NEMF: variants seen among roughly 807,000 people sequenced by gnomAD.
The protein encoded by NEMF is ribosome quality control complex subunit NEMF.
NEMF carries 89 observed loss-of-function variants against 162.2 expected under a neutral mutation model. The observed-to-expected ratio is 0.55, with a 90% CI of 0.46 to 0.65. NEMF has a LOEUF of 0.65. Ranked by LOEUF, NEMF falls within the 30% of genes least tolerant of loss-of-function variation. The pLI is 0.00. For missense variants in NEMF, 1,133 were observed against 1,261.9 expected (o/e 0.90, Z 1.55); for synonymous variants, 421 against 404.5 (o/e 1.04, Z -0.49).
intron 16 of NEMF, 31 bp from the exon 17 acceptor site, chr14:49,814,888 T>G (rs1891646405): frequency 1.6e-6 from 2 of 1,272,418 alleles, no homozygotes; most frequent in South Asian, 1.3e-5. Context: ...AAGTTAACTT[T>G]TCTTTATAGC....
Position 49,789,476 on chromosome 14 carries a change from TG to T in NEMF, c.2697+19del, listed in dbSNP as rs1312818591. Reference sequence around the variant, plus strand: ...CCCATTTGAAAAGCAAAAGAAAAAATGTTTTTAGATGTTATTTACCCCCAGC... The same window carrying T: ...CCCATTTGAAAAGCAAAAGAAAAAATTTTTTAGATGTTATTTACCCCCAGC... On this transcript the variant is annotated intron_variant, in intron 27 of 32. Coordinates refer to ENST00000298310, the MANE Select transcript of NEMF (RefSeq NM_004713.6). The T allele has an allele frequency of 6.2e-7, 1 of 1,610,818 alleles. No homozygotes were observed. The highest frequency in any genetic ancestry group is 1.3e-5 in the African/African-American group (1 of 74,682).
chr14:49,824,463 A>T (rs926852806), intron 16 of NEMF, among the ~76,000 whole-genome samples: 3 of 150,930 alleles, frequency 2.0e-5, no homozygotes, highest in Non-Finnish European at 4.4e-5. Context: ...GAATCGCTTC[A>T]AACTGGAAGG....
At chr14:49,832,362 C>T (rs377284176) in intron 8 of NEMF, 85 bp from the exon 9 acceptor site, 11 of 904,214 alleles carry the variant, frequency 1.2e-5, no homozygotes, top group South Asian at 8.1e-5. Context: ...CAGTCGCGCT[C>T]GCTCCATCAC....
intron 25 of NEMF, chr14:49,797,435 TCCTG>T (rs1890740881): frequency 6.6e-6 from 1 of 151,064 alleles, no homozygotes; most frequent in Admixed American, 6.6e-5. Context: ...ATCGAGACAA[TCCTG>T]CCTAACACGG....
At chr14:49,827,166 G>C (rs1233169764) in intron 15 of NEMF, among the ~76,000 whole-genome samples, 1 of 152,092 alleles carries the variant, frequency 6.6e-6, no homozygotes, top group African/African-American at 2.4e-5. Flanking sequence ...AAGAGAAAAA[G>C]GACTTCACTT....
chr14:49,782,720 T>C lies in NEMF; in HGVS notation c.*1916A>G. 2.1e-6 allele frequency: 3 copies of C among 1,414,658 alleles called. No individual in the cohort carries two copies. The highest frequency in any genetic ancestry group is 2.9e-6 in the Non-Finnish European group (3 of 1,034,748). 87.6% of individuals were successfully genotyped at this position (1,414,658 alleles called of 1,614,324 possible). A position where few individuals can be genotyped will look rare whatever the true frequency, so the allele number is the denominator to read the frequency against. ...AAACTTCATTGCTATAACCAGTTCC[T>C]ATGAAAATCTTTGAAGAAAGAAAGA... On this transcript the variant is annotated 3_prime_UTR_variant, in exon 33 of 33. Coordinates refer to ENST00000298310, the MANE Select transcript of NEMF (RefSeq NM_004713.6).
rs1293016661 is a variant in NEMF, at chr14:49,806,119, G to A, written c.1759C>T (p.Pro587Ser). ...IKNPTGEPIP[P>S]RTLTEAGTMA... is the part of the protein sequence containing the mutation. ...GTGCCAGCTTCAGTCAAGGTCCGTG[G>A]GGGGATGGGTTCTCCTAGAATAACA... is the stretch of plus-strand genomic sequence containing the variant. The change falls in exon 19 of 33, where the codon CCA becomes TCA. Residue 587 changes from proline (P) to serine (S), a missense_variant. Physicochemically the swap from Pro to Ser is moderately conservative, Grantham distance 74 (BLOSUM62 -1). Transcript: ENST00000298310. The A allele has an allele frequency of 3.7e-6, 6 of 1,610,988 alleles. No individual in the cohort carries two copies. The Admixed American group carries it at 8.4e-5, about 22-fold the overall frequency.
At chr14:49,799,269 T>C (rs1890843987) in intron 25 of NEMF, among the ~76,000 whole-genome samples, 1 of 145,318 alleles carries the variant, frequency 6.9e-6, no homozygotes, top group African/African-American at 2.5e-5. Flanking sequence ...CTACTAGGTC[T>C]ATTTCATTGA....
In NEMF at chr14:49,828,772, T is replaced by A. The variant is rs759745007; in HGVS notation, c.1268A>T (p.Asp423Val). The change falls in exon 14 of 33, where the codon GAT (aspartate) becomes GTT (valine). Residue 423 changes from aspartate (D) to valine (V), a missense_variant. Asp to Val is a radical substitution (Grantham distance 152). This residue lies in a region of NEMF where 582 missense variants were observed against 631.5 expected (regional missense o/e 0.92). Transcript: ENST00000298310. ...PYLLSEEEDD[D>V]VDGDVNVEKN... is the part of the protein sequence containing the mutation. ...CTCAACATTGACGTCACCATCAACATCATCATCTTCCTCCTCTGATAACAA... is the reference window on the plus strand; with the variant it reads ...CTCAACATTGACGTCACCATCAACAACATCATCTTCCTCCTCTGATAACAA... 2 of 1,558,712 alleles carry A rather than the reference T, an allele frequency of 1.3e-6. No individual in the cohort carries two copies. Among genetic ancestry groups the A allele is most frequent in the South Asian group, 1.2e-5 (1 of 84,510 alleles).
At chr14:49,786,639 A>T in intron 29 of NEMF, 79 bp downstream of exon 29, 2 of 1,391,942 alleles carry the variant, frequency 1.4e-6, no homozygotes, top group Non-Finnish European at 2.0e-6. Flanking sequence ...TCTAAGTTTT[A>T]ATAAGTTGTG....
Position 49,826,014 on chromosome 14 carries a change from A to G in NEMF, c.1489-59T>C, listed in dbSNP as rs1892322463. 5 of 1,191,096 alleles carry G rather than the reference A, an allele frequency of 4.2e-6. No individual in the cohort carries two copies. In the East Asian group the frequency reaches 1.2e-4, roughly 29 times the overall value. The allele number at this position is 1,191,096 out of a possible 1,614,324, so 73.8% of individuals were successfully genotyped here. On this transcript the variant is annotated intron_variant, in intron 15 of 32. Transcript: ENST00000298310. ...TTAAGAATGTATTTAAATAACACCA[A>G]AGTAAATAATGGGGCAAGAATTTTT...
At chr14:49,833,063 C>A (rs1048841439) in intron 8 of NEMF, among the ~76,000 whole-genome samples, 3 of 152,166 alleles carry the variant, frequency 2.0e-5, no homozygotes, top group Admixed American at 6.5e-5. Flanking sequence ...GTCAGGAGTT[C>A]GAGACCAGCC....
chr14:49,822,871 G>T (rs1892150917), intron 16 of NEMF, among the ~76,000 whole-genome samples: 2 of 151,928 alleles, frequency 1.3e-5, no homozygotes, highest in Non-Finnish European at 2.9e-5. Flanking sequence ...GTGTGGTAGG[G>T]GGACTGCATG....
At chr14:49,835,721 C>G (rs1305100897) in intron 6 of NEMF, among the ~76,000 whole-genome samples, 2 of 152,132 alleles carry the variant, frequency 1.3e-5, no homozygotes, top group Non-Finnish European at 2.9e-5. Context: ...GTAAAGCATC[C>G]TTATTCACAG....
chr14:49,838,735 C>T (rs916269975), intron 5 of NEMF, among the ~76,000 whole-genome samples: 3 of 151,960 alleles, frequency 2.0e-5, no homozygotes, highest in Non-Finnish European at 4.4e-5. Context: ...CAGGCGCCCG[C>T]CACCACGCCC....
chr14:49,811,051 G>A (rs557344908), intron 18 of NEMF, among the ~76,000 whole-genome samples: 1 of 152,288 alleles, frequency 6.6e-6, no homozygotes, highest in South Asian at 2.1e-4. Context: ...GATTACTGGG[G>A]AGTACTGCTA....
At chr14:49,850,725 A>G (rs75223666) in intron 3 of NEMF, among the ~76,000 whole-genome samples, 1 of 152,042 alleles carries the variant, frequency 6.6e-6, no homozygotes, top group Non-Finnish European at 1.5e-5. Flanking sequence ...AAAAAAAAAA[A>G]TACTGACTGG....
chr14:49,840,336 C>A (rs1193602800), intron 5 of NEMF, among the ~76,000 whole-genome samples: 3 of 152,118 alleles, frequency 2.0e-5, no homozygotes, highest in African/African-American at 7.2e-5. Context: ...GTGGCGCACG[C>A]CTATAGTCCC....
In NEMF at chr14:49,814,826, C is replaced by T; in HGVS notation, c.1609G>A (p.Glu537Lys). The T allele has an allele frequency of 6.3e-7, 1 of 1,587,392 alleles. No homozygotes were observed. Among genetic ancestry groups the T allele is most frequent in the Non-Finnish European group, 8.5e-7 (1 of 1,170,116 alleles). The part of the protein sequence containing the change: ...FEKFLWFISS[E>K]NYLIIGGRDQ... ...CGTCCACCTATAATTAGATAGTTCT[C>T]TGAGCTAATGAACCACAGAAATTTC... Residue 537 changes from glutamate (E) to lysine (K), a missense_variant, in exon 17 of 33, where the codon GAG (glutamate) becomes AAG (lysine). Coordinates refer to ENST00000298310, the MANE Select transcript of NEMF (RefSeq NM_004713.6).
Sources: gnomAD v4.1 joint callset for allele counts (sites outside exome capture counted in the v4.1 genomes callset) on GRCh38, gnomAD v4.1.1 for gene constraint, gnomAD v4.1.1 regional missense constraint, MANE v1.5 for transcripts, NCBI Gene and HGNC (gene_info 2026-07-23, HGNC 2026-07-21) for gene names.